Variants in PCDH15 observed in about 807,000 individuals in gnomAD.
PCDH15 encodes the protein protocadherin related 15.
PCDH15 carries 129 observed loss-of-function variants against 178.5 expected under a neutral mutation model. The observed-to-expected ratio is 0.72, with a 90% CI of 0.63 to 0.84. The LOEUF (loss-of-function observed/expected upper bound fraction) is 0.84, where lower values mean the gene tolerates loss of function less well. PCDH15 is among the 40% of genes least tolerant of loss of function. The probability of loss-of-function intolerance (pLI) is 0.00; values close to 1 mark genes in which losing one functional copy is unlikely to be tolerated. For missense variants in PCDH15, 2,230 were observed against 2,099.9 expected (o/e 1.06, Z -1.21); for synonymous variants, 800 against 732.0 (o/e 1.09, Z -1.50).
chr10:54,082,021 G>A (rs1181502564), intron 16 of PCDH15, among the ~76,000 whole-genome samples: 1 of 152,156 alleles, frequency 6.6e-6, no homozygotes, highest in African/African-American at 2.4e-5. Flanking sequence ...GAACTCTGTG[G>A]CATTTTGACT....
chr10:54,864,052 G>A (rs1469984971), intron 3 of PCDH15, among the ~76,000 whole-genome samples: 1 of 152,118 alleles, frequency 6.6e-6, no homozygotes, highest in Non-Finnish European at 1.5e-5. Context: ...TTTCAAAGGA[G>A]TTGGTAGCTC....
intron 19 of PCDH15, 123 bp downstream of exon 19, chr10:54,022,769 G>A (rs2092963735): frequency 1.0e-6 from 1 of 957,856 alleles, no homozygotes; most frequent in Non-Finnish European, 1.7e-6. Flanking sequence ...TTTATTCATT[G>A]TTTATCTGAA....
At chr10:54,950,712 T>C (rs768532393) in intron 2 of PCDH15, among the ~76,000 whole-genome samples, 4 of 151,940 alleles carry the variant, frequency 2.6e-5, no homozygotes, top group Non-Finnish European at 5.9e-5. Flanking sequence ...CTCACTATCA[T>C]GAGAACAGCG....
chr10:55,582,628 A>ATTTT (rs1554800566), intron 2 of PCDH15, among the ~76,000 whole-genome samples: 42 of 69,030 alleles, frequency 6.1e-4, no homozygotes, highest in Non-Finnish European at 6.6e-4. Context: ...ATATATATAT[A>ATTTT]TTTTTTTTTT....
chr10:54,011,560 C>A (rs1420318171), intron 20 of PCDH15, among the ~76,000 whole-genome samples: 1 of 152,172 alleles, frequency 6.6e-6, no homozygotes, highest in Non-Finnish European at 1.5e-5. Context: ...CCGACACTTT[C>A]AGATCACTGA....
chr10:54,656,025 C>A (rs530035496), intron 2 of PCDH15: 1 of 152,094 alleles, frequency 6.6e-6, no homozygotes, highest in Non-Finnish European at 1.5e-5. Context: ...ATAAAAAAGA[C>A]AAAATCTCTG....
chr10:54,703,279 T>G (rs1326356577), intron 1 of PCDH15, among the ~76,000 whole-genome samples: 1 of 151,952 alleles, frequency 6.6e-6, no homozygotes, highest in Non-Finnish European at 1.5e-5. Flanking sequence ...TCATACTGAA[T>G]GAGCAAAAGC....
intron 21 of PCDH15, among the ~76,000 whole-genome samples, chr10:53,965,357 C>T (rs563242258): frequency 8.0e-4 from 122 of 152,212 alleles, no homozygotes; most frequent in Non-Finnish European, 1.4e-3. Context: ...CGCGCCCAGC[C>T]CTACTACCTA....
chr10:54,169,395 G>T (rs2046625659), intron 13 of PCDH15, among the ~76,000 whole-genome samples: 2 of 133,354 alleles, frequency 1.5e-5, no homozygotes, highest in South Asian at 4.7e-4. Flanking sequence ...CATAACTGTT[G>T]TGGGTATTGA....
chr10:54,728,339 C>T (rs1056277293), intron 1 of PCDH15, among the ~76,000 whole-genome samples: 4 of 151,456 alleles, frequency 2.6e-5, no homozygotes, highest in South Asian at 4.1e-4. Context: ...AACCAAACCA[C>T]GTGATTATCT....
intron 2 of PCDH15, among the ~76,000 whole-genome samples, chr10:54,950,566 G>T (rs544749544): frequency 2.6e-5 from 4 of 152,124 alleles, no homozygotes; most frequent in South Asian, 4.1e-4. Context: ...GGAACTGTAA[G>T]TCCAATAAAC....
In PCDH15 at chr10:55,375,012, C is replaced by G. The variant is rs184951939; in HGVS notation, c.-155-208361G>C. ...ACTTCAGTTACCAAGTAACTATCTT[C>G]TATCTTTTCATCCAGAGTTTGTTAC... is the stretch of plus-strand genomic sequence containing the variant. On this transcript the variant is annotated intron_variant, in intron 2 of 5. Transcript: ENST00000613346. 8.9e-4 allele frequency among the ~76,000 whole-genome samples: 136 copies of G among 152,210 alleles called. 1 individual carries two copies. The highest frequency in any genetic ancestry group is 6.0e-4 in the Non-Finnish European group (41 of 67,990).
intron 2 of PCDH15, among the ~76,000 whole-genome samples, chr10:54,650,441 G>T (rs937649964): frequency 6.6e-6 from 1 of 152,090 alleles, no homozygotes; most frequent in African/African-American, 2.4e-5. Flanking sequence ...GAACATTAAA[G>T]AATATAATCT....
chr10:54,425,439 G>T (rs1437324368), intron 3 of PCDH15, among the ~76,000 whole-genome samples: 1 of 152,102 alleles, frequency 6.6e-6, no homozygotes, highest in Admixed American at 6.6e-5. Context: ...CAAAAGATAT[G>T]CCCCATCGAC....
chr10:55,519,738 T>G (rs1841113146), intron 2 of PCDH15, among the ~76,000 whole-genome samples: 1 of 151,360 alleles, frequency 6.6e-6, no homozygotes, highest in South Asian at 2.1e-4. Flanking sequence ...ATGTGTATCT[T>G]TTTTTTTACA....
At chr10:55,615,810 A>G (rs1282668978) in intron 2 of PCDH15, among the ~76,000 whole-genome samples, 1 of 152,192 alleles carries the variant, frequency 6.6e-6, no homozygotes, top group East Asian at 1.9e-4. Flanking sequence ...GAGCAGGAAT[A>G]TAATTTCAGT....
At chr10:54,452,557 A>G (rs957314745) in intron 3 of PCDH15, 15 of 152,092 alleles carry the variant, frequency 9.9e-5, no homozygotes, top group African/African-American at 3.6e-4. Flanking sequence ...TAAGAACACA[A>G]GATAAAGAGA....
chr10:55,250,061 C>T (rs188051111), intron 1 of PCDH15, among the ~76,000 whole-genome samples: 52 of 152,068 alleles, frequency 3.4e-4, no homozygotes, highest in African/African-American at 1.2e-3. Flanking sequence ...AACAAATGAA[C>T]GTAAATTTTA....
chr10:53,854,906 A>C (rs2078621520), intron 28 of PCDH15, among the ~76,000 whole-genome samples: 2 of 152,064 alleles, frequency 1.3e-5, no homozygotes, highest in Admixed American at 1.3e-4. Context: ...AGCTTCCTTC[A>C]CAATGATACG....
Sources: allele counts gnomAD v4.1 joint callset (sites outside exome capture counted in the v4.1 genomes callset), GRCh38; gene constraint gnomAD v4.1.1; transcripts MANE v1.5; gene names NCBI Gene and HGNC (gene_info 2026-07-23, HGNC 2026-07-21).